Variants in UGT1A8 observed in about 807,000 individuals in gnomAD.
The protein encoded by UGT1A8 is UDP-glucuronosyltransferase 1A8.
Under a neutral mutation model 45.3 loss-of-function variants are expected in UGT1A8, and 39 were observed. That is an observed-to-expected ratio of 0.86 (90% CI 0.67 to 1.12). UGT1A8 has a LOEUF of 1.12. UGT1A8 is among the 50% of genes most tolerant of loss of function. The probability of loss-of-function intolerance (pLI) is 0.00; values close to 1 mark genes in which losing one functional copy is unlikely to be tolerated. For missense variants in UGT1A8, 719 were observed against 664.9 expected (o/e 1.08, Z -0.90); for synonymous variants, 275 against 249.2 (o/e 1.10, Z -0.97).
At chr2:233,729,553 G>A in intron 1 of UGT1A8, 1 of 1,614,176 alleles carries the variant, frequency 6.2e-7, no homozygotes, top group Middle Eastern at 1.7e-4. Context: ...GCACCTGAAT[G>A]CTACTTCCTT....
chr2:233,649,716 C>A (rs2073692810), intron 1 of UGT1A8, among the ~76,000 whole-genome samples: 1 of 152,166 alleles, frequency 6.6e-6, no homozygotes, highest in African/African-American at 2.4e-5. Context: ...ATTTGGCTAA[C>A]TTCTTCAAAA....
At chr2:233,674,982 T>C (rs889252706) in intron 1 of UGT1A8, among the ~76,000 whole-genome samples, 2 of 152,226 alleles carry the variant, frequency 1.3e-5, no homozygotes, top group African/African-American at 4.8e-5. Context: ...GTCTGTGTCT[T>C]ATCTGTCTGA....
intron 1 of UGT1A8, among the ~76,000 whole-genome samples, chr2:233,724,125 CA>C (rs1371340693): frequency 1.8e-5 from 2 of 108,584 alleles, no homozygotes; most frequent in Non-Finnish European, 3.7e-5. Flanking sequence ...AGGCGCCCCT[CA>C]CCTCCCGGAC....
intron 1 of UGT1A8, among the ~76,000 whole-genome samples, chr2:233,651,950 T>G (rs916653946): frequency 6.6e-6 from 1 of 151,988 alleles, no homozygotes; most frequent in Non-Finnish European, 1.5e-5. Context: ...TTAACCAAGA[T>G]AGCAGATCAT....
In UGT1A8 at chr2:233,646,191, A is replaced by G. The variant is rs569666722; in HGVS notation, c.855+27629A>G. 1.8e-3 allele frequency among the ~76,000 whole-genome samples: 276 copies of G among 152,308 alleles called. No individual in the cohort carries two copies. In the South Asian group the frequency reaches 0.019, roughly 10 times the overall value. Reference sequence around the variant, plus strand: ...ACAGCTGGAGCAGTTGGGATGCAAGACACCAAGTCCCTAGGCTGCACACAG... The same window carrying G: ...ACAGCTGGAGCAGTTGGGATGCAAGGCACCAAGTCCCTAGGCTGCACACAG... On this transcript the variant is annotated intron_variant, in intron 1 of 4. Coordinates refer to ENST00000373450, the MANE Select transcript of UGT1A8 (RefSeq NM_019076.5).
In UGT1A8 at chr2:233,618,574, C is replaced by G; in HGVS notation, c.855+12C>G. On this transcript the variant is annotated intron_variant, in intron 1 of 4. Coordinates refer to ENST00000373450, the MANE Select transcript of UGT1A8 (RefSeq NM_019076.5). ...AGCCATTGCCTATGGTAAGTCACCT[C>G]TCCTTTAGCACATTAGGAATAATCT... 6.2e-7 allele frequency: 1 copy of G among 1,610,182 alleles called. No individual in the cohort carries two copies. The highest frequency in any genetic ancestry group is 8.5e-7 in the Non-Finnish European group (1 of 1,177,328).
At chr2:233,732,493 G>A (rs141356640) in intron 1 of UGT1A8, among the ~76,000 whole-genome samples, 3,223 of 152,294 alleles carry the variant, frequency 0.021, 102 homozygotes, top group African/African-American at 0.073. Context: ...TGTATAAGGC[G>A]TAAGGAAGGG....
At chr2:233,737,545 T>C (rs1322840903) in intron 1 of UGT1A8, among the ~76,000 whole-genome samples, 2 of 152,172 alleles carry the variant, frequency 1.3e-5, no homozygotes. Context: ...TGCTTCGGCT[T>C]GCCCTCAGTG....
chr2:233,682,066 G>A (rs778934724), intron 1 of UGT1A8: 5 of 1,613,972 alleles, frequency 3.1e-6, no homozygotes, highest in African/African-American at 1.3e-5. Flanking sequence ...CCATGCAGTC[G>A]GTGGTGGAGA....
At chr2:233,659,290 T>G (rs1460130774) in intron 1 of UGT1A8, among the ~76,000 whole-genome samples, 1 of 152,166 alleles carries the variant, frequency 6.6e-6, no homozygotes. Flanking sequence ...CACATATCAT[T>G]TTGACCCCCA....
chr2:233,670,382 G>C (rs1212423630), intron 1 of UGT1A8, among the ~76,000 whole-genome samples: 1 of 152,102 alleles, frequency 6.6e-6, no homozygotes, highest in Non-Finnish European at 1.5e-5. Context: ...TGACTTTTTT[G>C]CCTTTGCAAT....
chr2:233,687,112 TA>T (rs1320223051), intron 1 of UGT1A8, among the ~76,000 whole-genome samples: 1 of 152,156 alleles, frequency 6.6e-6, no homozygotes, highest in Non-Finnish European at 1.5e-5. Flanking sequence ...TAAACTTGGG[TA>T]AAAACTCAGC....
intron 1 of UGT1A8, among the ~76,000 whole-genome samples, chr2:233,764,942 G>T (rs12479045): frequency 6.6e-6 from 1 of 152,080 alleles, no homozygotes; most frequent in African/African-American, 2.4e-5. Flanking sequence ...TGAGAGTGGC[G>T]GGGAGAGAGG....
At chr2:233,648,047 A>G (rs2073646348) in intron 1 of UGT1A8, 3 of 1,588,480 alleles carry the variant, frequency 1.9e-6, no homozygotes, top group East Asian at 2.2e-5. Flanking sequence ...AGATCACTGA[A>G]TTGCACAGTG....
At chr2:233,752,606 A>T (rs1695016071) in intron 1 of UGT1A8, 1 of 152,194 alleles carries the variant, frequency 6.6e-6, no homozygotes, top group African/African-American at 2.4e-5. Context: ...TTTTTAAAAA[A>T]ACATTAGCTA....
At chr2:233,719,705 C>T (rs774192845) in intron 1 of UGT1A8, 50 of 1,613,844 alleles carry the variant, frequency 3.1e-5, no homozygotes, top group Middle Eastern at 1.7e-4. Context: ...TTGGTGCCTT[C>T]ATCCAATCAA....
intron 1 of UGT1A8, chr2:233,729,388 G>T: frequency 1.2e-6 from 2 of 1,613,884 alleles, no homozygotes; most frequent in Non-Finnish European, 1.7e-6. Context: ...GACCCAGGAT[G>T]AATTTGATCG....
chr2:233,686,792 A>C (rs1490044288), intron 1 of UGT1A8, among the ~76,000 whole-genome samples: 2 of 149,062 alleles, frequency 1.3e-5, no homozygotes, highest in African/African-American at 5.0e-5. Context: ...TCCTCTTTCC[A>C]CCTCCCCTGT....
At position 233,672,363 on chromosome 2, in the gene UGT1A8, T is replaced by G. The variant is rs751596599; in HGVS notation, c.855+53801T>G. On this transcript the variant is annotated intron_variant, in intron 1 of 4. Coordinates refer to ENST00000373450, the MANE Select transcript of UGT1A8 (RefSeq NM_019076.5). ...AATACTTAAAGGAGAGTTCTTTTGA[T>G]GCAGTGTTTCTCGATCCTTTTGATA... 4 of 1,614,210 alleles carry G rather than the reference T, an allele frequency of 2.5e-6. No individual in the cohort carries two copies. The East Asian group carries it at 8.9e-5, about 36-fold the overall frequency.
Sources: allele counts gnomAD v4.1 joint callset (sites outside exome capture counted in the v4.1 genomes callset), GRCh38; gene constraint gnomAD v4.1.1; transcripts MANE v1.5; gene names NCBI Gene and HGNC (gene_info 2026-07-23, HGNC 2026-07-21).